MLLT10: variants seen among roughly 807,000 people sequenced by gnomAD.
The protein encoded by MLLT10 is MLLT10 histone lysine methyltransferase DOT1L cofactor, also known as protein AF-10.
A neutral mutation model predicts 129.1 loss-of-function variants in MLLT10; 30 were observed. The ratio of observed to expected loss-of-function variants is 0.23; its 90% CI spans 0.17 to 0.32. The LOEUF (loss-of-function observed/expected upper bound fraction) is 0.32. Among genes scored for constraint, MLLT10 ranks in the 10% least tolerant of loss-of-function variants. The pLI, the probability that MLLT10 is intolerant of heterozygous loss-of-function variation, is 1.00. For missense variants in MLLT10, 1,119 were observed against 1,268.3 expected (o/e 0.88, Z 1.79); for synonymous variants, 490 against 446.4 (o/e 1.10, Z -1.23).
chr10:21,697,584 G>A (rs1367231808), intron 13 of MLLT10, among the ~76,000 whole-genome samples: 1 of 152,172 alleles, frequency 6.6e-6, no homozygotes, highest in Non-Finnish European at 1.5e-5. Flanking sequence ...AATACATAAT[G>A]AGTAAAAATG....
In MLLT10 at chr10:21,673,730, C is replaced by T; in HGVS notation, c.1432C>T (p.Pro478Ser). The part of the protein sequence containing the change: ...RKGNKQSKHG[P>S]GRPKGNKNQE... ...AGGAAATAAACAAAGTAAGCATGGG[C>T]CTGGCAGACCCAAAGGAAACAAAAA... Residue 478 changes from proline (P) to serine (S), a missense_variant, in exon 11 of 23, where the codon CCT becomes TCT. Coordinates refer to ENST00000307729, the MANE Select transcript of MLLT10 (RefSeq NM_001195626.3). 1 of 1,614,074 alleles carries T rather than the reference C, an allele frequency of 6.2e-7. No homozygotes were observed. The highest frequency in any genetic ancestry group is 8.5e-7 in the Non-Finnish European group (1 of 1,179,998).
intron 9 of MLLT10, among the ~76,000 whole-genome samples, chr10:21,662,631 T>G (rs2050327334): frequency 6.6e-6 from 1 of 152,206 alleles, no homozygotes; most frequent in Non-Finnish European, 1.5e-5. Flanking sequence ...ATCATATTAA[T>G]TATAGATTTC....
intron 9 of MLLT10, among the ~76,000 whole-genome samples, chr10:21,654,598 A>G (rs2049369488): frequency 6.6e-6 from 1 of 152,244 alleles, no homozygotes; most frequent in Admixed American, 6.5e-5. Flanking sequence ...ATTTCTGGGT[A>G]GTCACAGTGT....
At chr10:21,665,300 T>TG (rs1564607878) in intron 9 of MLLT10, among the ~76,000 whole-genome samples, 10 of 95,378 alleles carry the variant, frequency 1.0e-4, no homozygotes, top group African/African-American at 3.4e-4. Flanking sequence ...TTTGTTTTTT[T>TG]TGGGGGGGGG....
intron 8 of MLLT10, among the ~76,000 whole-genome samples, chr10:21,627,036 A>G (rs1001602157): frequency 2.6e-5 from 4 of 152,022 alleles, no homozygotes; most frequent in African/African-American, 9.7e-5. Context: ...AGCCAGTAGG[A>G]TTAATTTTTT....
In MLLT10 at chr10:21,741,954, A is replaced by G. The variant is rs1379277106; in HGVS notation, c.3178A>G (p.Thr1060Ala). The change falls in exon 23 of 23, where the codon ACT (threonine) becomes GCT (alanine). Residue 1060 changes from threonine (T) to alanine (A), a missense_variant. Around this residue, in one of 5 missense-constraint regions of MLLT10, gnomAD observed 1,004 missense variants for 1,008.7 expected, o/e 1.00. Transcript: ENST00000307729. ...TTACCTGCAGAGACTTAGTGATAAAACTGGGCCTGTAGCTCAAGAGAAAAG... is the reference window on the plus strand; with the variant it reads ...TTACCTGCAGAGACTTAGTGATAAAGCTGGGCCTGTAGCTCAAGAGAAAAG... ...SQKVARLSDKTGPVAQEKS is the reference protein window; with the variant it reads ...SQKVARLSDKAGPVAQEKS 6.2e-7 allele frequency: 1 copy of G among 1,612,022 alleles called. No homozygotes were observed. Among genetic ancestry groups the G allele is most frequent in the South Asian group, 1.1e-5 (1 of 90,852 alleles).
At chr10:21,712,818 C>T (rs2056222166) in intron 13 of MLLT10, among the ~76,000 whole-genome samples, 1 of 152,184 alleles carries the variant, frequency 6.6e-6, no homozygotes, top group African/African-American at 2.4e-5. Context: ...GCAAAATCAC[C>T]CCTGGTTGAG....
intron 2 of MLLT10, 85 bp from the exon 3 acceptor site, chr10:21,538,748 T>G (rs1588763810): frequency 1.1e-6 from 1 of 921,056 alleles, no homozygotes. Context: ...TAGTGACAGG[T>G]GGATTAATAG....
At chr10:21,674,118 G>A (rs2051803767) in intron 11 of MLLT10, among the ~76,000 whole-genome samples, 199 bp downstream of exon 11, 1 of 152,174 alleles carries the variant, frequency 6.6e-6, no homozygotes, top group African/African-American at 2.4e-5. Flanking sequence ...TGGTGTTTGG[G>A]AAAGATGTTC....
At chr10:21,607,226 CT>C (rs2044148232) in intron 5 of MLLT10, among the ~76,000 whole-genome samples, 1 of 151,994 alleles carries the variant, frequency 6.6e-6, no homozygotes, top group Non-Finnish European at 1.5e-5. Flanking sequence ...CTCCATTGCC[CT>C]CTTCCACATT....
At chr10:21,583,039 A>G (rs1410064458) in intron 3 of MLLT10, among the ~76,000 whole-genome samples, 1 of 152,158 alleles carries the variant, frequency 6.6e-6, no homozygotes, top group African/African-American at 2.4e-5. Flanking sequence ...ACGTGGTGGC[A>G]CACACCTGTA....
At chr10:21,556,692 G>T (rs762607537) in intron 3 of MLLT10, 1 of 1,612,432 alleles carries the variant, frequency 6.2e-7, no homozygotes, top group African/African-American at 1.3e-5. Flanking sequence ...GTCACTCCTG[G>T]ATACATAGAA....
Position 21,561,103 on chromosome 10 carries a change from T to C in MLLT10, c.240+22191T>C, listed in dbSNP as rs2038744734. 2.0e-5 allele frequency among the ~76,000 whole-genome samples: 3 copies of C among 152,308 alleles called. No homozygotes were observed. The South Asian group carries it at 6.2e-4, about 32-fold the overall frequency. On this transcript the variant is annotated intron_variant, in intron 3 of 22. Transcript: ENST00000307729. ...TTATGCACAGAGATTTTAATTGTGG[T>C]GAAGTCCAATTTATCTTTTTTTAGT... is the stretch of plus-strand genomic sequence containing the variant.
chr10:21,565,899 C>T (rs1365094245), intron 3 of MLLT10, among the ~76,000 whole-genome samples: 1 of 145,360 alleles, frequency 6.9e-6, no homozygotes, highest in Non-Finnish European at 1.5e-5. Context: ...AGCCACCATG[C>T]TTGGCTTTAG....
chr10:21,574,084 A>G (rs1200054968), intron 3 of MLLT10, among the ~76,000 whole-genome samples: 2 of 152,194 alleles, frequency 1.3e-5, no homozygotes, highest in African/African-American at 4.8e-5. Context: ...ATAGTGTTTG[A>G]AGGAACTTAT....
At chr10:21,544,275 T>C (rs1564376666) in intron 3 of MLLT10, among the ~76,000 whole-genome samples, 1 of 152,172 alleles carries the variant, frequency 6.6e-6, no homozygotes, top group Non-Finnish European at 1.5e-5. Flanking sequence ...CCATCTCCTG[T>C]CTCAAAAGCG....
At chr10:21,619,641 A>T (rs1344062874) in intron 8 of MLLT10, among the ~76,000 whole-genome samples, 1 of 152,188 alleles carries the variant, frequency 6.6e-6, no homozygotes, top group East Asian at 1.9e-4. Context: ...TACTTTTCGC[A>T]TATATAAGTT....
chr10:21,732,463 C>T (rs1009227856), intron 17 of MLLT10, among the ~76,000 whole-genome samples: 1 of 152,222 alleles, frequency 6.6e-6, no homozygotes, highest in African/African-American at 2.4e-5. Flanking sequence ...GGACAACAAA[C>T]AAAAACATGT....
intron 5 of MLLT10, among the ~76,000 whole-genome samples, chr10:21,604,194 A>C (rs563817985): frequency 1.9e-4 from 29 of 152,312 alleles, no homozygotes; most frequent in African/African-American, 6.0e-4. Flanking sequence ...CTCTGTAAGT[A>C]AGTCTCACAT....
Sources: allele counts gnomAD v4.1 joint callset (sites outside exome capture counted in the v4.1 genomes callset), GRCh38; gene constraint gnomAD v4.1.1; regional missense constraint gnomAD v4.1.1; transcripts MANE v1.5; gene names NCBI Gene and HGNC (gene_info 2026-07-23, HGNC 2026-07-21).